The following ZFHX3 variants were observed in gnomAD, a reference collection of about 807,000 sequenced individuals.
ZFHX3 encodes the protein zinc finger homeobox protein 3.
ZFHX3 carries 42 observed loss-of-function variants against 279.1 expected under a neutral mutation model. The observed-to-expected ratio is 0.15, with a 90% CI of 0.12 to 0.19. ZFHX3 has a LOEUF of 0.19. ZFHX3 is among the 10% of genes least tolerant of loss of function. The probability of loss-of-function intolerance (pLI) is 1.00; values close to 1 mark genes in which losing one functional copy is unlikely to be tolerated. For synonymous variants in ZFHX3, 2,293 were observed against 1,957.8 expected, an observed-to-expected ratio of 1.17 and a Z score of -4.52; for missense variants, 4,981 against 4,754.0, an observed-to-expected ratio of 1.05 and a Z score of -1.40.
intron 3 of ZFHX3, among the ~76,000 whole-genome samples, chr16:73,449,525 A>G (rs1033022498): frequency 6.6e-6 from 1 of 152,138 alleles, no homozygotes; most frequent in Admixed American, 6.6e-5. Context: ...AATAATATAA[A>G]CTCTTCTTAA....
At chr16:73,652,375 G>GAAATGAAGTCAAAAATGA (rs1199899517) in intron 2 of ZFHX3, among the ~76,000 whole-genome samples, 2 of 152,290 alleles carry the variant, frequency 1.3e-5, no homozygotes, top group African/African-American at 4.8e-5. Flanking sequence ...AATGAAGTTA[G>GAAATGAAGTCAAAAATGA]AGTCCTTATT....
chr16:73,335,161 G>A (rs3954300), intron 3 of ZFHX3, among the ~76,000 whole-genome samples: 1 of 151,804 alleles, frequency 6.6e-6, no homozygotes, highest in Non-Finnish European at 1.5e-5. Context: ...GTACGAAAAG[G>A]GTGCCAAACT....
At chr16:73,429,830 A>G (rs745354993) in intron 3 of ZFHX3, among the ~76,000 whole-genome samples, 4 of 152,130 alleles carry the variant, frequency 2.6e-5, no homozygotes, top group Non-Finnish European at 5.9e-5. Flanking sequence ...GCTCCCCCAC[A>G]GATGGCTTGG....
chr16:73,651,589 T>C (rs1178871251), intron 2 of ZFHX3, among the ~76,000 whole-genome samples: 36 of 146,768 alleles, frequency 2.5e-4, no homozygotes, highest in African/African-American at 8.8e-4. Flanking sequence ...TGTAATCCAC[T>C]ACTTTGGGAG....
chr16:72,999,706 G>A lies in ZFHX3; in HGVS notation c.-49-39512C>T, dbSNP rs184060970. Among the ~76,000 whole-genome samples the A allele has an allele frequency of 1.8e-4, 28 of 152,274 alleles. No homozygotes were observed. The East Asian group carries it at 4.4e-3, about 24-fold the overall frequency. On this transcript the variant is annotated intron_variant, in intron 1 of 9. Transcript: ENST00000268489. ...ACAAGTCAGACATGGGACAGCCTTCGATGCCAGCGTGGGCAGGGGTCTCAC... is the reference window on the plus strand; with the variant it reads ...ACAAGTCAGACATGGGACAGCCTTCAATGCCAGCGTGGGCAGGGGTCTCAC...
chr16:72,986,293 G>A (rs1443656882), intron 1 of ZFHX3, among the ~76,000 whole-genome samples: 1 of 152,172 alleles, frequency 6.6e-6, no homozygotes, highest in African/African-American at 2.4e-5. Context: ...GACCCGCCAT[G>A]TGATAATTAT....
intron 2 of ZFHX3, among the ~76,000 whole-genome samples, chr16:73,476,740 T>A (rs1381464601): frequency 6.6e-6 from 1 of 152,208 alleles, no homozygotes; most frequent in Non-Finnish European, 1.5e-5. Context: ...GGGTGGGTGT[T>A]ATCACCACAA....
At chr16:73,241,554 G>A (rs562324229) in intron 5 of ZFHX3, among the ~76,000 whole-genome samples, 3 of 152,078 alleles carry the variant, frequency 2.0e-5, no homozygotes, top group African/African-American at 7.2e-5. Flanking sequence ...ACTTTTGGAT[G>A]CCCAGGCGGG....
chr16:73,297,936 G>C (rs1253113809), intron 4 of ZFHX3, among the ~76,000 whole-genome samples: 2 of 151,858 alleles, frequency 1.3e-5, no homozygotes, highest in Non-Finnish European at 2.9e-5. Flanking sequence ...TATAATCCCA[G>C]TGCTTTGGGA....
At position 72,958,443 on chromosome 16, in the gene ZFHX3, T is replaced by A; in HGVS notation, c.1703A>T (p.Asn568Ile). 1 of 1,614,202 alleles carries A rather than the reference T, an allele frequency of 6.2e-7. No homozygotes were observed. The change falls in exon 2 of 10, where the codon AAT becomes ATT. Residue 568 changes from asparagine (N) to isoleucine (I), a missense_variant. By Grantham distance (149) the Asn-to-Ile change is moderately radical. Coordinates refer to ENST00000268489, the MANE Select transcript of ZFHX3 (RefSeq NM_006885.4). Reference protein sequence around the residue: ...FVVFDGANRRNRLSFNSEGVR... With the variant: ...FVVFDGANRRIRLSFNSEGVR... Reference sequence around the variant, plus strand: ...GCCCTCACTGTTAAAGCTTAAACGATTCCTCCTGTTCGCACCATCAAAGAC... The same window carrying A: ...GCCCTCACTGTTAAAGCTTAAACGAATCCTCCTGTTCGCACCATCAAAGAC...
In ZFHX3 at chr16:73,098,335, T is replaced by A. The variant is rs9931175; in HGVS notation, c.-896-4737A>T. On this transcript the variant is annotated intron_variant, in intron 7 of 17. Coordinates refer to the ZFHX3 transcript ENST00000641206. ...CACCCGTCACAGCCTTCCAAAGTGCTGGGATTACAGGTGTGAGCCACCGTG... is the reference window on the plus strand; with the variant it reads ...CACCCGTCACAGCCTTCCAAAGTGCAGGGATTACAGGTGTGAGCCACCGTG... 9.7e-3 allele frequency among the ~76,000 whole-genome samples: 1,471 copies of A among 151,706 alleles called. 28 individuals are homozygous for A. The highest frequency in any genetic ancestry group is 0.033 in the African/African-American group (1,377 of 41,364).
At chr16:73,326,487 C>G (rs12716891) in intron 3 of ZFHX3, among the ~76,000 whole-genome samples, 99,164 of 152,024 alleles carry the variant, frequency 0.65, 32,848 homozygotes, top group Middle Eastern at 0.7. Context: ...AAAACACGAT[C>G]CTAAGTGAAA....
intron 2 of ZFHX3, among the ~76,000 whole-genome samples, chr16:73,514,194 G>T (rs2019481883): frequency 6.6e-6 from 1 of 152,048 alleles, no homozygotes; most frequent in African/African-American, 2.4e-5. Context: ...GTTGCAGTGA[G>T]CCAAGATTGC....
At chr16:73,130,970 C>G in exon 7 of ZFHX3, 1 of 1,305,244 alleles carries the variant, frequency 7.7e-7, no homozygotes, top group South Asian at 1.2e-5. Flanking sequence ...TCACCAACCT[C>G]TATGCAACTG....
intron 2 of ZFHX3, among the ~76,000 whole-genome samples, chr16:73,465,756 C>G (rs186177691): frequency 6.6e-6 from 1 of 152,328 alleles, no homozygotes; most frequent in Admixed American, 6.5e-5. Context: ...GAGTTCTTCT[C>G]TCCTTTCTTG....
At chr16:73,139,404 C>T (rs1966840422) in intron 6 of ZFHX3, among the ~76,000 whole-genome samples, 1 of 152,144 alleles carries the variant, frequency 6.6e-6, no homozygotes, top group Non-Finnish European at 1.5e-5. Flanking sequence ...GTGTTTACTT[C>T]TGGGTGGTGG....
intron 4 of ZFHX3, among the ~76,000 whole-genome samples, chr16:72,857,132 G>C (rs1367200045): frequency 6.6e-6 from 1 of 152,150 alleles, no homozygotes; most frequent in African/African-American, 2.4e-5. Context: ...ATCCAAGATG[G>C]GCAGCCAGTT....
intron 5 of ZFHX3, among the ~76,000 whole-genome samples, chr16:73,221,559 G>A (rs2012421401): frequency 6.6e-6 from 1 of 151,896 alleles, no homozygotes; most frequent in East Asian, 1.9e-4. Flanking sequence ...CACCGCTAAA[G>A]AACTTACTCA....
chr16:73,197,667 G>A (rs1216858516), intron 5 of ZFHX3, among the ~76,000 whole-genome samples: 1 of 152,146 alleles, frequency 6.6e-6, no homozygotes, highest in Admixed American at 6.5e-5. Context: ...CATTTCTAAT[G>A]TTACATACTA....
Sources: gnomAD v4.1 joint callset for allele counts (sites outside exome capture counted in the v4.1 genomes callset) on GRCh38, gnomAD v4.1.1 for gene constraint, MANE v1.5 for transcripts, NCBI Gene and HGNC (gene_info 2026-07-23, HGNC 2026-07-21) for gene names.